Variants in RNF150 observed in about 807,000 individuals in gnomAD.
RNF150 encodes the protein ring finger protein 150.
Under a neutral mutation model 39.3 loss-of-function variants are expected in RNF150, and 24 were observed. That is an observed-to-expected ratio of 0.61 (90% confidence interval 0.44 to 0.86). RNF150 has a LOEUF of 0.86. RNF150 is among the 40% of genes least tolerant of loss of function. The pLI, the probability that RNF150 is intolerant of heterozygous loss-of-function variation, is 0.00. For synonymous variants in RNF150, 255 were observed against 227.3 expected (o/e 1.12, Z -1.10); for missense variants, 502 against 587.8 (o/e 0.85, Z 1.51).
At chr4:141,144,620 A>G (rs1373391515) in intron 1 of RNF150, among the ~76,000 whole-genome samples, 1 of 147,552 alleles carries the variant, frequency 6.8e-6, no homozygotes, top group Non-Finnish European at 1.5e-5. Flanking sequence ...CAGAAACTTT[A>G]GGAACAAAAA....
At chr4:141,027,925 TG>T (rs1189612930) in intron 1 of RNF150, among the ~76,000 whole-genome samples, 563 of 32,752 alleles carry the variant, frequency 0.017, 83 homozygotes, top group Non-Finnish European at 0.024. Context: ...TTTTTTTTTT[TG>T]TTTTTTTTTT....
intron 4 of RNF150, among the ~76,000 whole-genome samples, chr4:140,934,916 C>T (rs1731777829): frequency 6.7e-6 from 1 of 148,522 alleles, no homozygotes; most frequent in Non-Finnish European, 1.5e-5. Context: ...ACAGGCTGGT[C>T]TGAGCTAAAA....
At chr4:141,065,619 A>G (rs1177674280) in intron 1 of RNF150, among the ~76,000 whole-genome samples, 1 of 152,056 alleles carries the variant, frequency 6.6e-6, no homozygotes, top group East Asian at 1.9e-4. Flanking sequence ...AGGTAGTAAG[A>G]TGAGCTGTAT....
At chr4:140,892,660 T>C (rs1421983992) in intron 6 of RNF150, among the ~76,000 whole-genome samples, 4 of 152,198 alleles carry the variant, frequency 2.6e-5, no homozygotes, top group Non-Finnish European at 5.9e-5. Context: ...GGGTGACTTC[T>C]TGGCTTCGCA....
At chr4:141,078,859 A>G (rs1456256241) in intron 1 of RNF150, among the ~76,000 whole-genome samples, 1 of 147,458 alleles carries the variant, frequency 6.8e-6, no homozygotes, top group Non-Finnish European at 1.5e-5. Flanking sequence ...ATACATACAT[A>G]CATATATATA....
chr4:141,073,131 C>G (rs912017795), intron 1 of RNF150, among the ~76,000 whole-genome samples: 10 of 151,736 alleles, frequency 6.6e-5, no homozygotes, highest in Admixed American at 5.3e-4. Context: ...GACATGGTAC[C>G]AAGTAGAAGA....
At chr4:140,907,824 C>T (rs1730446860) in intron 6 of RNF150, among the ~76,000 whole-genome samples, 1 of 152,132 alleles carries the variant, frequency 6.6e-6, no homozygotes, top group Non-Finnish European at 1.5e-5. Flanking sequence ...TCTCTCTATG[C>T]CTCCATTTCT....
chr4:141,024,127 G>T (rs1735603154), intron 1 of RNF150, among the ~76,000 whole-genome samples: 1 of 152,122 alleles, frequency 6.6e-6, no homozygotes, highest in Admixed American at 6.6e-5. Flanking sequence ...TGAGAAGCTT[G>T]GTTTTCACAT....
chr4:141,182,164 T>C (rs2111189583), intron 1 of RNF150, among the ~76,000 whole-genome samples: 1 of 146,812 alleles, frequency 6.8e-6, no homozygotes, highest in Non-Finnish European at 1.5e-5. Flanking sequence ...AAATTAGATA[T>C]TGATGGGACG....
intron 1 of RNF150, among the ~76,000 whole-genome samples, chr4:141,122,032 T>C (rs752935485): frequency 2.0e-5 from 3 of 152,122 alleles, no homozygotes; most frequent in Non-Finnish European, 4.4e-5. Context: ...CAATATGCAG[T>C]CAGGGTGGAG....
Position 140,956,891 on chromosome 4 carries a change from T to C in RNF150, c.736-7519A>G, listed in dbSNP as rs547175814. On this transcript the variant is annotated intron_variant, in intron 2 of 6. Transcript: ENST00000515673. ...AACTGGATCCCTTCCTTACACCTTA[T>C]ACAAAAATCAATTCAAGATGGATTA... 3.5e-3 allele frequency among the ~76,000 whole-genome samples: 535 copies of C among 151,718 alleles called. 3 individuals are homozygous for C. The highest frequency in any genetic ancestry group is 6.2e-3 in the Non-Finnish European group (420 of 67,872).
At chr4:141,199,042 A>G (rs1728249444) in intron 1 of RNF150, among the ~76,000 whole-genome samples, 2 of 152,216 alleles carry the variant, frequency 1.3e-5, no homozygotes, top group African/African-American at 4.8e-5. Context: ...AAAACAAACA[A>G]CCCAATAAAA....
intron 6 of RNF150, among the ~76,000 whole-genome samples, chr4:140,874,825 T>G (rs1350238383): frequency 1.3e-5 from 2 of 152,108 alleles, no homozygotes; most frequent in Non-Finnish European, 2.9e-5. Flanking sequence ...GAGTAGCTGA[T>G]TTTATTTTAT....
rs1328423307 is a variant in RNF150, at chr4:141,078,830, T to TAC, written c.484+53494_484+53495insGT. Reference sequence around the variant, plus strand: ...AAAAATATATATATATATATATATATATACACACACACACACACATACATA... The same window carrying TAC: ...AAAAATATATATATATATATATATATACATACACACACACACACACATACATA... On this transcript the variant is annotated intron_variant, in intron 1 of 6. Transcript: ENST00000515673. Among the ~76,000 whole-genome samples, 501 of 123,532 alleles carry TAC rather than the reference T, an allele frequency of 4.1e-3. 7 individuals carry two copies. The highest frequency in any genetic ancestry group is 6.7e-3 in the Non-Finnish European group (401 of 60,254). The allele number at this position is 123,532 out of a possible 152,430, so 81.0% of individuals were successfully genotyped here.
chr4:141,078,532 C>T (rs899573723), intron 1 of RNF150, among the ~76,000 whole-genome samples: 4 of 151,514 alleles, frequency 2.6e-5, no homozygotes, highest in African/African-American at 9.7e-5. Context: ...GCCTGTAATC[C>T]CAGCACTTTG....
chr4:141,148,776 T>C (rs1211821735), intron 1 of RNF150, among the ~76,000 whole-genome samples: 3 of 152,052 alleles, frequency 2.0e-5, no homozygotes, highest in Non-Finnish European at 4.4e-5. Flanking sequence ...TCCCTGTTTC[T>C]TTTTTTTCCA....
intron 2 of RNF150, among the ~76,000 whole-genome samples, chr4:140,952,745 C>T (rs1732588757): frequency 6.6e-6 from 1 of 152,122 alleles, no homozygotes; most frequent in African/African-American, 2.4e-5. Context: ...TAAAGAAGTT[C>T]AGCAGAGGAT....
At chr4:140,995,439 C>T (rs1216519336) in intron 1 of RNF150, among the ~76,000 whole-genome samples, 10 of 151,530 alleles carry the variant, frequency 6.6e-5, no homozygotes, top group East Asian at 1.9e-4. Flanking sequence ...GTAGATTATG[C>T]AGAAATTTCT....
chr4:140,956,067 A>C (rs1732739756), intron 2 of RNF150, among the ~76,000 whole-genome samples: 2 of 152,188 alleles, frequency 1.3e-5, no homozygotes, highest in South Asian at 4.1e-4. Flanking sequence ...TGTTTATGAA[A>C]ACCAAAAAAG....
Sources: allele counts gnomAD v4.1 joint callset (sites outside exome capture counted in the v4.1 genomes callset), GRCh38; gene constraint gnomAD v4.1.1; transcripts MANE v1.5; gene names NCBI Gene and HGNC (gene_info 2026-07-23, HGNC 2026-07-21).